The following HNF4G variants were observed in gnomAD, a reference collection of about 807,000 sequenced individuals.
HNF4G encodes the protein hepatocyte nuclear factor 4 gamma.
In HNF4G, 21 loss-of-function variants were observed where a neutral mutation model predicts 50.9. The observed-to-expected ratio is 0.41, with a 90% CI of 0.29 to 0.59. HNF4G has a LOEUF of 0.59. Among genes scored for constraint, HNF4G ranks in the 20% least tolerant of loss-of-function variants. The pLI, the probability that HNF4G is intolerant of heterozygous loss-of-function variation, is 0.26. For missense variants in HNF4G, 527 were observed against 559.4 expected (o/e 0.94, Z 0.58); for synonymous variants, 198 against 185.6 (o/e 1.07, Z -0.54).
intron 1 of HNF4G, among the ~76,000 whole-genome samples, chr8:75,484,594 C>G (rs1241330706): frequency 1.3e-5 from 2 of 152,180 alleles, no homozygotes; most frequent in Non-Finnish European, 2.9e-5. Flanking sequence ...GTTACATGTT[C>G]TCACAAAACT....
chr8:75,504,583 C>T (rs2130712540), intron 2 of HNF4G, among the ~76,000 whole-genome samples: 1 of 152,210 alleles, frequency 6.6e-6, no homozygotes, highest in Middle Eastern at 3.4e-3. Context: ...TTATCTGCAA[C>T]ACATAATGTC....
chr8:75,483,264 T>A (rs929108488), intron 1 of HNF4G, among the ~76,000 whole-genome samples: 27 of 152,072 alleles, frequency 1.8e-4, no homozygotes, highest in East Asian at 1.9e-4. Context: ...ATTTTTTTTT[T>A]AAATTTTATC....
chr8:75,506,670 C>G (rs113056887), intron 2 of HNF4G, among the ~76,000 whole-genome samples: 6,784 of 152,186 alleles, frequency 0.045, 167 homozygotes, highest in South Asian at 0.055. Flanking sequence ...AATTACAGTT[C>G]TTAAATATTT....
intron 1 of HNF4G, among the ~76,000 whole-genome samples, chr8:75,443,772 A>G (rs529538130): frequency 2.2e-4 from 33 of 152,290 alleles, no homozygotes; most frequent in Admixed American, 3.3e-4. Context: ...TTGTAGTTGT[A>G]ATAAATCAGT....
chr8:75,504,251 ACACACACACACACACACAC>A (rs1813009731), intron 2 of HNF4G, among the ~76,000 whole-genome samples: 2 of 149,164 alleles, frequency 1.3e-5, no homozygotes, highest in African/African-American at 2.6e-5. Context: ...ACACACACAC[ACACACACACACACACACAC>A]ACACACCAAA....
chr8:75,542,971 C>T (rs1430218561), intron 1 of HNF4G, among the ~76,000 whole-genome samples: 1 of 152,022 alleles, frequency 6.6e-6, no homozygotes, highest in Non-Finnish European at 1.5e-5. Flanking sequence ...AGACCGCCTG[C>T]TGAGGTGGGC....
intron 2 of HNF4G, among the ~76,000 whole-genome samples, chr8:75,513,978 G>T (rs562102960): frequency 2.0e-5 from 3 of 152,012 alleles, no homozygotes; most frequent in South Asian, 4.1e-4. Context: ...TCAGATGAAG[G>T]CTTCTGTATA....
chr8:75,509,713 A>G (rs1805698658), intron 2 of HNF4G, among the ~76,000 whole-genome samples: 1 of 152,196 alleles, frequency 6.6e-6, no homozygotes, highest in African/African-American at 2.4e-5. Context: ...AATGGAGCCA[A>G]AAAGTTCCTA....
intron 2 of HNF4G, among the ~76,000 whole-genome samples, chr8:75,521,433 A>G (rs1806039186): frequency 6.6e-6 from 1 of 152,250 alleles, no homozygotes; most frequent in Admixed American, 6.5e-5. Flanking sequence ...ATATTTTAAT[A>G]CAAATTTTAC....
intron 2 of HNF4G, among the ~76,000 whole-genome samples, chr8:75,498,253 A>G (rs1256904446): frequency 2.0e-5 from 3 of 152,188 alleles, no homozygotes; most frequent in Non-Finnish European, 4.4e-5. Flanking sequence ...GGAACAAAAA[A>G]GCAATGAAAG....
At chr8:75,423,651 A>G (rs553008839) in intron 1 of HNF4G, among the ~76,000 whole-genome samples, 2 of 151,800 alleles carry the variant, frequency 1.3e-5, no homozygotes, top group South Asian at 2.1e-4. Context: ...TGGGCTCCCA[A>G]AGTGCTGGGA....
At chr8:75,537,022 C>T (rs1478337945), upstream of HNF4G, among the ~76,000 whole-genome samples, 1 of 151,938 alleles carries the variant, frequency 6.6e-6, no homozygotes, top group African/African-American at 2.4e-5. Flanking sequence ...TCCATGTAGC[C>T]AAAACCTGGG....
chr8:75,454,025 TTCTCTCTCTC>T (rs58676228), intron 1 of HNF4G, among the ~76,000 whole-genome samples: 29 of 133,906 alleles, frequency 2.2e-4, no homozygotes, highest in Admixed American at 9.0e-4. Context: ...AAGAAGAAAT[TTCTCTCTCTC>T]TCTCTCTCTC....
rs2130824909 is a variant in HNF4G at position 75,564,850 on chromosome 8, C to A, written c.*754C>A. The stretch of plus-strand genomic sequence containing the variant: ...AGGAATCTATTTCTTTCTCCTGAAA[C>A]AATTTAGAAAATAGTTATCCATTGA... On this transcript the variant is annotated 3_prime_UTR_variant, in exon 10 of 10. Transcript: ENST00000396423. 1 of 152,208 alleles carries A rather than the reference C, an allele frequency of 6.6e-6. No individual in the cohort carries two copies. The highest frequency in any genetic ancestry group is 3.4e-3 in the Middle Eastern group (1 of 294). The allele number at this position is 152,208 out of a possible 1,614,324, so 9.4% of individuals were successfully genotyped here.
chr8:75,441,536 T>G (rs1164941265), intron 1 of HNF4G, among the ~76,000 whole-genome samples: 2 of 152,180 alleles, frequency 1.3e-5, no homozygotes, highest in Non-Finnish European at 2.9e-5. Context: ...TGAGCCACCA[T>G]GCCCGGCCTT....
At chr8:75,460,610 G>A (rs1811818939) in intron 1 of HNF4G, among the ~76,000 whole-genome samples, 1 of 152,104 alleles carries the variant, frequency 6.6e-6, no homozygotes, top group African/African-American at 2.4e-5. Context: ...TATTATGTGG[G>A]TGGAAACTTC....
At chr8:75,418,546 A>G (rs545239048) in intron 1 of HNF4G, among the ~76,000 whole-genome samples, 1 of 152,266 alleles carries the variant, frequency 6.6e-6, no homozygotes, top group East Asian at 1.9e-4. Context: ...CCTAACAGTC[A>G]TATCCTCATC....
chr8:75,502,269 T>A lies in HNF4G; in HGVS notation c.-24+12061T>A, dbSNP rs79926132. ...CATAAAATAAAGTATATATAAAAGT[T>A]GTGTGAAAGACAGAGAATTGAGAGA... On this transcript the variant is annotated intron_variant, in intron 2 of 10. Coordinates refer to the HNF4G transcript ENST00000354370. 7.6e-3 allele frequency among the ~76,000 whole-genome samples: 1,156 copies of A among 152,294 alleles called. 51 individuals are homozygous for A. The East Asian group carries it at 0.14, about 19-fold the overall frequency.
intron 2 of HNF4G, among the ~76,000 whole-genome samples, chr8:75,530,756 T>C (rs1203212406): frequency 6.7e-6 from 1 of 149,308 alleles, no homozygotes; most frequent in Non-Finnish European, 1.5e-5. Flanking sequence ...AAGGAAAGCA[T>C]ACAAGACAGA....
Sources: gnomAD v4.1 joint callset for allele counts (sites outside exome capture counted in the v4.1 genomes callset) on GRCh38, gnomAD v4.1.1 for gene constraint, MANE v1.5 for transcripts, NCBI Gene and HGNC (gene_info 2026-07-23, HGNC 2026-07-21) for gene names.